The following NPAS3 variants were observed in gnomAD, a reference collection of about 807,000 sequenced individuals.
NPAS3 encodes neuronal PAS domain-containing protein 3.
In NPAS3, 14 loss-of-function variants were observed where a neutral mutation model predicts 73.1. The observed-to-expected ratio is 0.19, with a 90% confidence interval of 0.13 to 0.30. The LOEUF (loss-of-function observed/expected upper bound fraction) is 0.30, where lower values mean the gene tolerates loss of function less well. NPAS3 is among the 10% of genes least tolerant of loss of function. The pLI is 1.00. For synonymous variants in NPAS3, 620 were observed against 541.5 expected, an observed-to-expected ratio of 1.14 and a Z score of -2.01; for missense variants, 1,096 against 1,250.0, an observed-to-expected ratio of 0.88 and a Z score of 1.86.
At chr14:33,135,066 G>T (rs542208469) in intron 2 of NPAS3, among the ~76,000 whole-genome samples, 1 of 152,220 alleles carries the variant, frequency 6.6e-6, no homozygotes, top group African/African-American at 2.4e-5. Context: ...ACTTATAAAT[G>T]TCACTTGAAA....
At chr14:33,749,054 G>A (rs552080821) in intron 7 of NPAS3, among the ~76,000 whole-genome samples, 2 of 152,162 alleles carry the variant, frequency 1.3e-5, no homozygotes, top group Admixed American at 1.3e-4. Flanking sequence ...TTTAGGGAGG[G>A]GTCAGTGAAC....
At chr14:33,183,987 G>A (rs780482084) in intron 2 of NPAS3, among the ~76,000 whole-genome samples, 1 of 152,144 alleles carries the variant, frequency 6.6e-6, no homozygotes, top group African/African-American at 2.4e-5. Context: ...TGACTTGTCT[G>A]AAGGACCACT....
At chr14:33,163,057 C>T (rs530913220) in intron 2 of NPAS3, among the ~76,000 whole-genome samples, 1 of 152,332 alleles carries the variant, frequency 6.6e-6, no homozygotes, top group South Asian at 2.1e-4. Flanking sequence ...CGACCACTTT[C>T]ACTTTTTCAA....
intron 4 of NPAS3, among the ~76,000 whole-genome samples, chr14:33,518,836 C>G (rs1465304371): frequency 6.6e-6 from 1 of 151,984 alleles, no homozygotes; most frequent in African/African-American, 2.4e-5. Context: ...TGTCCATGCA[C>G]TCTACCACAG....
At chr14:33,150,847 A>G (rs2139239568) in intron 2 of NPAS3, among the ~76,000 whole-genome samples, 1 of 152,308 alleles carries the variant, frequency 6.6e-6, no homozygotes. Flanking sequence ...ATTTTGCCAC[A>G]TCTTCCTGAC....
At chr14:33,468,102 G>T (rs950851154) in intron 4 of NPAS3, among the ~76,000 whole-genome samples, 1 of 152,106 alleles carries the variant, frequency 6.6e-6, no homozygotes, top group African/African-American at 2.4e-5. Context: ...AAATGCAATC[G>T]TTTCCTCCCA....
chr14:33,161,920 G>A (rs1468976697), intron 2 of NPAS3, among the ~76,000 whole-genome samples: 2 of 152,242 alleles, frequency 1.3e-5, no homozygotes, highest in African/African-American at 2.4e-5. Flanking sequence ...TAGGACCTGA[G>A]CCATGAAGGC....
intron 4 of NPAS3, among the ~76,000 whole-genome samples, chr14:33,472,772 C>A (rs2050842637): frequency 6.9e-6 from 1 of 145,632 alleles, no homozygotes; most frequent in South Asian, 2.1e-4. Context: ...TTTTGCTATG[C>A]GTGTATATGG....
intron 1 of NPAS3, among the ~76,000 whole-genome samples, chr14:32,968,492 C>T (rs888989067): frequency 2.1e-4 from 32 of 152,078 alleles, no homozygotes; most frequent in Admixed American, 3.9e-4. Flanking sequence ...TGTCTTATGT[C>T]GAAATTTAAC....
chr14:33,680,666 C>T (rs2059909966), intron 6 of NPAS3: 2 of 702,432 alleles, frequency 2.8e-6, no homozygotes, highest in Non-Finnish European at 5.2e-6. Context: ...GAAGAACATG[C>T]CTGGATCCTA....
chr14:33,243,022 G>A (rs575942097), intron 3 of NPAS3, among the ~76,000 whole-genome samples: 32 of 152,202 alleles, frequency 2.1e-4, no homozygotes, highest in Middle Eastern at 3.4e-3. Flanking sequence ...AAATTAAGGG[G>A]ACTGTTTTTT....
chr14:33,147,733 ATAT>A (rs201169913), intron 2 of NPAS3, among the ~76,000 whole-genome samples: 2,784 of 135,162 alleles, frequency 0.021, 88 homozygotes, highest in African/African-American at 0.057. Context: ...AATAAAAAAT[ATAT>A]ATATATATAT....
At chr14:33,482,687 A>G (rs1239531605) in intron 4 of NPAS3, among the ~76,000 whole-genome samples, 1 of 152,056 alleles carries the variant, frequency 6.6e-6, no homozygotes, top group East Asian at 1.9e-4. Flanking sequence ...CACACCTGGC[A>G]GAAGAGACCA....
chr14:33,293,170 C>T (rs931576311), intron 3 of NPAS3, among the ~76,000 whole-genome samples: 1 of 152,104 alleles, frequency 6.6e-6, no homozygotes, highest in Admixed American at 6.5e-5. Context: ...TGGCTGCATT[C>T]TTTGCTTACT....
chr14:33,734,848 A>G (rs1008332478), intron 6 of NPAS3, among the ~76,000 whole-genome samples: 13 of 152,064 alleles, frequency 8.5e-5, no homozygotes, highest in African/African-American at 3.1e-4. Context: ...CTCTGCCTGT[A>G]CCTTAGTTGA....
chr14:33,285,164 C>T (rs1233186694), intron 3 of NPAS3, among the ~76,000 whole-genome samples: 1 of 152,132 alleles, frequency 6.6e-6, no homozygotes, highest in Admixed American at 6.6e-5. Context: ...ACTTAAGGAT[C>T]TGATTATCAG....
chr14:33,212,162 G>A (rs1399187855), intron 2 of NPAS3, among the ~76,000 whole-genome samples: 2 of 152,210 alleles, frequency 1.3e-5, no homozygotes, highest in Non-Finnish European at 2.9e-5. Context: ...AATCTAGAGT[G>A]TCATTGTCTT....
Position 33,191,378 on chromosome 14 carries a change from G to T in NPAS3, c.141-23804G>T, listed in dbSNP as rs1396092829. ...TTAAATCTTATAATTTGAGCATTTA[G>T]TCATTTTTTATTATACAAATACAAG... On this transcript the variant is annotated intron_variant, in intron 2 of 11. Coordinates refer to ENST00000356141, the Ensembl canonical transcript of NPAS3. Among the ~76,000 whole-genome samples, 5 of 152,026 alleles carry T rather than the reference G, an allele frequency of 3.3e-5. No homozygotes were observed. The East Asian group carries it at 9.8e-4, about 30-fold the overall frequency.
chr14:33,459,837 C>T (rs999931879), intron 4 of NPAS3, among the ~76,000 whole-genome samples: 1 of 152,014 alleles, frequency 6.6e-6, no homozygotes, highest in African/African-American at 2.4e-5. Flanking sequence ...ACCCTCTTTC[C>T]TTTACATATA....
Sources: gnomAD v4.1 joint callset for allele counts (sites outside exome capture counted in the v4.1 genomes callset) on GRCh38, gnomAD v4.1.1 for gene constraint, MANE v1.5 for transcripts, NCBI Gene and HGNC (gene_info 2026-07-23, HGNC 2026-07-21) for gene names.